Variants in PSMB10 observed in about 807,000 individuals in gnomAD.
PSMB10 encodes proteasome 20S subunit beta 10, also known as proteasome subunit beta type-10.
Under a neutral mutation model 29.8 loss-of-function variants are expected in PSMB10, and 29 were observed. The observed-to-expected ratio is 0.97, with a 90% CI of 0.73 to 1.33. PSMB10 has a LOEUF of 1.33. Ranked by LOEUF, PSMB10 falls within the 40% of genes most tolerant of loss-of-function variation. The pLI is 0.00. For synonymous variants in PSMB10, 157 were observed against 164.7 expected (o/e 0.95, Z 0.36); for missense variants, 327 against 369.2 (o/e 0.89, Z 0.94).
In PSMB10 at chr16:67,934,886, G is replaced by T. The variant is rs546261485; in HGVS notation, c.621C>A (p.Gly207=). 79 of 1,613,852 alleles carry T rather than the reference G, an allele frequency of 4.9e-5. No homozygotes were observed. Among genetic ancestry groups the T allele is most frequent in the South Asian group, 4.3e-4 (39 of 91,084 alleles). Residue 207 remains glycine (G), a synonymous_variant, in exon 7 of 8, where the codon GGC becomes GGA. Coordinates refer to ENST00000358514, the MANE Select transcript of PSMB10 (RefSeq NM_002801.4). This position sits in a 1 kb window ranked among gnomAD's most constrained non-coding sequence, Gnocchi z 4.3. ...CACATGCGTCCACATTGCCCCCGGA[G>T]CCCAGGTCACCCAAGATCCCGGCGG... The part of the protein sequence containing the change: ...AVTAGILGDL[G]SGGNVDACVI...
Position 67,934,594 on chromosome 16 carries a change from A to G in PSMB10, c.788T>C (p.Val263Ala). Residue 263 changes from valine (V) to alanine (A), a missense_variant, in exon 8 of 8, where the codon GTG becomes GCG. By Grantham distance (64) the Val-to-Ala change is moderately conservative (BLOSUM62 0). Coordinates refer to ENST00000358514, the MANE Select transcript of PSMB10 (RefSeq NM_002801.4). This position sits in a 1 kb window ranked among gnomAD's most constrained non-coding sequence, Gnocchi z 4.3. ...QTVKPLTLEL[V>A]EETVQAMEVE is the part of the protein sequence containing the mutation. ...CTCCATAGCCTGCACAGTTTCCTCC[A>G]CTAGCTCCAGGGTTAGTGGCTTCAC... 1 of 1,614,028 alleles carries G rather than the reference A, an allele frequency of 6.2e-7. No individual in the cohort carries two copies. The highest frequency in any genetic ancestry group is 8.5e-7 in the Non-Finnish European group (1 of 1,179,976).
chr16:67,936,251 C>T lies in PSMB10; in HGVS notation c.206G>A (p.Ser69Asn). The change falls in exon 3 of 8, where the codon AGC becomes AAC. Residue 69 changes from serine to asparagine, a missense_variant. Transcript: ENST00000358514. ...GGCGATGAAGTGGATCTTCTCGCAGCTCTTGTCCGCCACGACCGAATCGTT... is the reference window on the plus strand; with the variant it reads ...GGCGATGAAGTGGATCTTCTCGCAGTTCTTGTCCGCCACGACCGAATCGTT... ...ATNDSVVADK[S>N]CEKIHFIAPK... The T allele has an allele frequency of 6.2e-7, 1 of 1,614,072 alleles. No homozygotes were observed. Among genetic ancestry groups the T allele is most frequent in the Non-Finnish European group, 8.5e-7 (1 of 1,179,996 alleles).
At chr16:67,936,124 G>T in intron 3 of PSMB10, 21 bp from the exon 4 acceptor site, 2 of 1,607,498 alleles carry the variant, frequency 1.2e-6, no homozygotes, top group Non-Finnish European at 1.7e-6. Flanking sequence ...AGGGAGGATC[G>T]GTGTGGGCAG....
intron 3 of PSMB10, 25 bp downstream of exon 3, chr16:67,936,190 C>A (rs1247087181): frequency 3.1e-6 from 5 of 1,612,488 alleles, no homozygotes; most frequent in Non-Finnish European, 3.4e-6. Context: ...TTTTTGCGTA[C>A]GGGAACTGGG....
In PSMB10 at chr16:67,935,442, T is replaced by C. The variant is rs532254970; in HGVS notation, c.536A>G (p.Asp179Gly). The C allele has an allele frequency of 2.5e-6, 4 of 1,613,998 alleles. No homozygotes were observed. The African/African-American group carries it at 4.0e-5, about 16-fold the overall frequency. ...CACCGTCATGTTCGGCTGGAACCGG[T>C]CTTCTAGCACCGCCAGGGCCGCGTC... ...GQDAALAVLE[D>G]RFQPNMTLEA... Residue 179 changes from aspartate to glycine, a missense_variant, in exon 6 of 8, where the codon GAC (aspartate) becomes GGC (glycine). Coordinates refer to ENST00000358514, the MANE Select transcript of PSMB10 (RefSeq NM_002801.4).
rs781342387 is a variant in PSMB10 at position 67,935,965 on chromosome 16, G to A, written c.381C>T (p.Phe127=). 4 of 1,610,036 alleles carry A rather than the reference G, an allele frequency of 2.5e-6. No homozygotes were observed. The South Asian group carries it at 3.3e-5, about 13-fold the overall frequency. ...TCCTGTTAGCCCTGCCCCCGCACCTGAAGAGCGTCTGGCGCAGGATGCGAG... is the reference window on the plus strand; with the variant it reads ...TCCTGTTAGCCCTGCCCCCGCACCTAAAGAGCGTCTGGCGCAGGATGCGAG... ...TVTRILRQTL[F]RYQGHVGASL... Residue 127 remains phenylalanine, a splice_region_variant and synonymous_variant, in exon 4 of 8, where the codon TTC becomes TTT. Transcript: ENST00000358514.
At position 67,936,239 on chromosome 16, in the gene PSMB10, A is replaced by G. The variant is rs376646222; in HGVS notation, c.218T>C (p.Ile73Thr). Residue 73 changes from isoleucine to threonine, a missense_variant, in exon 3 of 8, where the codon ATC becomes ACC. Transcript: ENST00000358514. ...CTAGATTTTGGGGGCGATGAAGTGG[A>G]TCTTCTCGCAGCTCTTGTCCGCCAC... is the stretch of plus-strand genomic sequence containing the variant. The part of the protein sequence containing the change: ...SVVADKSCEK[I>T]HFIAPKIYCC... 8.6e-5 allele frequency: 139 copies of G among 1,613,704 alleles called. No homozygotes were observed. The highest frequency in any genetic ancestry group is 1.1e-4 in the Non-Finnish European group (129 of 1,179,930).
Position 67,935,497 on chromosome 16 carries a change from T to C in PSMB10, c.500-19A>G. On this transcript the variant is annotated intron_variant, in intron 5 of 7. Coordinates refer to ENST00000358514, the MANE Select transcript of PSMB10 (RefSeq NM_002801.4). ...CCAGAGCCTGAAGGCAGGAGAAGCA[T>C]CTGAAGTCAACCGCTGCGACGCCGT... 1 of 1,614,002 alleles carries C rather than the reference T, an allele frequency of 6.2e-7. No individual in the cohort carries two copies. The highest frequency in any genetic ancestry group is 8.5e-7 in the Non-Finnish European group (1 of 1,179,888).
In PSMB10 at chr16:67,935,664, CA is replaced by C; in HGVS notation, c.416del (p.Val139GlyfsTer4). The C allele has an allele frequency of 6.2e-7, 1 of 1,614,150 alleles. No individual in the cohort carries two copies. The highest frequency in any genetic ancestry group is 1.7e-4 in the Middle Eastern group (1 of 6,030). The stretch of plus-strand genomic sequence containing the variant: ...GCGGTCCAGTCAGGTCTACGCCGCC[CA>C]CGATCAGCGATGCACCCACGTGGCC... ...YQGHVGASLI[V>X]GGVDLTGPQL... On this transcript the variant is annotated frameshift_variant, in exon 5 of 8. Coordinates refer to ENST00000358514, the MANE Select transcript of PSMB10 (RefSeq NM_002801.4). LOFTEE classifies it high-confidence loss of function.
In PSMB10 at chr16:67,935,983, G is replaced by A. The variant is rs2058262025; in HGVS notation, c.363C>T (p.Ile121=). 2 of 1,611,712 alleles carry A rather than the reference G, an allele frequency of 1.2e-6. No individual in the cohort carries two copies. Among genetic ancestry groups the A allele is most frequent in the African/African-American group, 2.7e-5 (2 of 74,890 alleles). The part of the protein sequence containing the change: ...REPRVATVTR[I]LRQTLFRYQG... ...CGCACCTGAAGAGCGTCTGGCGCAGGATGCGAGTGACCGTGGCCACGCGGG... is the reference window on the plus strand; with the variant it reads ...CGCACCTGAAGAGCGTCTGGCGCAGAATGCGAGTGACCGTGGCCACGCGGG... Residue 121 remains isoleucine (I), a synonymous_variant, in exon 4 of 8, where the codon ATC becomes ATT. Transcript: ENST00000358514.
In PSMB10 at chr16:67,934,874, A is replaced by G. The variant is rs2058256738; in HGVS notation, c.633T>C (p.Asn211=). The change falls in exon 7 of 8, where the codon AAT becomes AAC. Residue 211 remains asparagine (N), a synonymous_variant. Transcript: ENST00000358514. This position sits in a 1 kb window ranked among gnomAD's most constrained non-coding sequence, Gnocchi z 4.3. ...TCTTTGTGATCACACATGCGTCCAC[A>G]TTGCCCCCGGAGCCCAGGTCACCCA... ...GILGDLGSGG[N]VDACVITKTG... 7.4e-6 allele frequency: 12 copies of G among 1,613,754 alleles called. No homozygotes were observed. The East Asian group carries it at 1.6e-4, about 21-fold the overall frequency.
chr16:67,935,463 G>C lies in PSMB10; in HGVS notation c.515C>G (p.Ala172Gly). Residue 172 changes from alanine to glycine, a missense_variant, in exon 6 of 8, where the codon GCG becomes GGG. Coordinates refer to ENST00000358514, the MANE Select transcript of PSMB10 (RefSeq NM_002801.4). ...PFTALGSGQDAALAVLEDRFQ... is the reference protein window; with the variant it reads ...PFTALGSGQDGALAVLEDRFQ... The stretch of plus-strand genomic sequence containing the variant: ...CCGGTCTTCTAGCACCGCCAGGGCC[G>C]CGTCCTGACCAGAGCCTGAAGGCAG... 13 of 1,614,152 alleles carry C rather than the reference G, an allele frequency of 8.1e-6. No individual in the cohort carries two copies. The highest frequency in any genetic ancestry group is 1.1e-5 in the Non-Finnish European group (13 of 1,180,044).
At chr16:67,936,537 T>C in intron 1 of PSMB10, 52 bp from the exon 2 acceptor site, 5 of 1,536,584 alleles carry the variant, frequency 3.3e-6, no homozygotes, top group Non-Finnish European at 4.4e-6. Flanking sequence ...AAGACCCCTG[T>C]TGCTTCCCCT....
At position 67,934,813 on chromosome 16, in the gene PSMB10, T is replaced by G; in HGVS notation, c.694A>C (p.Thr232Pro). Residue 232 changes from threonine (T) to proline (P), a missense_variant, in exon 7 of 8, where the codon ACA (threonine) becomes CCA (proline). By Grantham distance (38) the Thr-to-Pro change is conservative. Coordinates refer to ENST00000358514, the MANE Select transcript of PSMB10 (RefSeq NM_002801.4). The surrounding 1 kb of genome is among the most constrained non-coding windows in gnomAD (Gnocchi z 4.3). ...AGCTCTCACCTCTTCACGGGCTCTG[T>G]GGGTGAGCTCAGTGTCCGCAGCAGC... ...AKLLRTLSSP[T>P]EPVKRSGRYH... 6.2e-7 allele frequency: 1 copy of G among 1,614,050 alleles called. No homozygotes were observed. Among genetic ancestry groups the G allele is most frequent in the Non-Finnish European group, 8.5e-7 (1 of 1,179,948 alleles).
chr16:67,935,062 C>T (rs1453424627), intron 6 of PSMB10, 114 bp from the exon 7 acceptor site: 39 of 1,380,328 alleles, frequency 2.8e-5, no homozygotes, highest in Non-Finnish European at 2.9e-6. Context: ...CAAACCCCCA[C>T]TGTGTTTCTC....
chr16:67,936,377 C>G, intron 2 of PSMB10, 21 bp downstream of exon 2: 1 of 1,611,324 alleles, frequency 6.2e-7, no homozygotes, highest in Non-Finnish European at 8.5e-7. Flanking sequence ...CTCCAGCTCC[C>G]CGTCCCTCCC....
intron 6 of PSMB10, 171 bp from the exon 7 acceptor site, chr16:67,935,119 C>T: frequency 1.2e-6 from 1 of 856,550 alleles, no homozygotes; most frequent in Non-Finnish European, 1.8e-6. Context: ...TGCTTCCATC[C>T]CACCCCAAAC....
chr16:67,936,203 C>G lies in PSMB10; in HGVS notation c.242+12G>C. The G allele has an allele frequency of 6.2e-7, 1 of 1,613,714 alleles. No individual in the cohort carries two copies. Among genetic ancestry groups the G allele is most frequent in the Non-Finnish European group, 8.5e-7 (1 of 1,179,734 alleles). On this transcript the variant is annotated intron_variant, in intron 3 of 7. Transcript: ENST00000358514. ...CTTTTTTGCGTACGGGAACTGGGCT[C>G]GGGAGTCTCACTAGATTTTGGGGGC...
At position 67,936,444 on chromosome 16, in the gene PSMB10, G is replaced by C. The variant is rs776769234; in HGVS notation, c.98C>G (p.Pro33Arg). Reference sequence around the variant, plus strand: ...GGTGGTCCCGGTCTTGCGTGCGTGAGGGACCTTGAGCCCCGGGAGGACGCG... The same window carrying C: ...GGTGGTCCCGGTCTTGCGTGCGTGACGGACCTTGAGCCCCGGGAGGACGCG... ...LERVLPGLKVPHARKTGTTIA... is the reference protein window; with the variant it reads ...LERVLPGLKVRHARKTGTTIA... Residue 33 changes from proline (P) to arginine (R), a missense_variant, in exon 2 of 8, where the codon CCT becomes CGT. Transcript: ENST00000358514. 3 of 1,613,542 alleles carry C rather than the reference G, an allele frequency of 1.9e-6. No homozygotes were observed. The highest frequency in any genetic ancestry group is 1.7e-5 in the Admixed American group (1 of 59,966).
Sources: allele counts gnomAD v4.1 joint callset, GRCh38; gene constraint gnomAD v4.1.1; non-coding constraint Gnocchi (gnomAD v3.1); transcripts MANE v1.5; gene names NCBI Gene and HGNC (gene_info 2026-07-23, HGNC 2026-07-21).